ZYG11A: variants seen among roughly 807,000 people sequenced by gnomAD.
The protein encoded by ZYG11A is protein zyg-11 homolog A.
In ZYG11A, 62 loss-of-function variants were observed where a neutral mutation model predicts 77.2. The observed-to-expected ratio is 0.80, with a 90% CI of 0.65 to 0.99. ZYG11A has a LOEUF of 0.99. ZYG11A is among the 50% of genes least tolerant of loss of function. ZYG11A has a pLI of 0.00. For synonymous variants in ZYG11A, 315 were observed against 324.6 expected, an observed-to-expected ratio of 0.97 and a Z score of 0.32; for missense variants, 828 against 896.8, an observed-to-expected ratio of 0.92 and a Z score of 0.98.
At chr1:52,854,889 C>T (rs533555967) in intron 2 of ZYG11A, among the ~76,000 whole-genome samples, 117 of 147,960 alleles carry the variant, frequency 7.9e-4, no homozygotes, top group Non-Finnish European at 1.6e-3. Context: ...TTTTTTGAGA[C>T]GGATTTTCAC....
intron 12 of ZYG11A, among the ~76,000 whole-genome samples, chr1:52,886,643 C>T (rs1646455845): frequency 6.6e-6 from 1 of 151,092 alleles, no homozygotes; most frequent in Admixed American, 6.6e-5. Flanking sequence ...AAGTGATCCT[C>T]CCACTTGAGG....
At chr1:52,864,583 G>A (rs1198034862) in intron 5 of ZYG11A, among the ~76,000 whole-genome samples, 1 of 152,192 alleles carries the variant, frequency 6.6e-6, no homozygotes, top group East Asian at 1.9e-4. Flanking sequence ...ATTAGAGAAA[G>A]AGAATAGATA....
chr1:52,857,284 T>C lies in ZYG11A; in HGVS notation c.543T>C (p.Thr181=). ...NSRLLFFSQL[T]GLRILSVFNV... ...GATTACTGTTCTTTAGTCAGCTCACTGGTCTTCGCATTTTAAGTGTTTTTA... is the reference window on the plus strand; with the variant it reads ...GATTACTGTTCTTTAGTCAGCTCACCGGTCTTCGCATTTTAAGTGTTTTTA... Residue 181 remains threonine (T), a synonymous_variant, in exon 3 of 14, where the codon ACT becomes ACC. Transcript: ENST00000371528. 6.4e-7 allele frequency: 1 copy of C among 1,552,148 alleles called. No individual in the cohort carries two copies. Among genetic ancestry groups the C allele is most frequent in the Non-Finnish European group, 8.7e-7 (1 of 1,147,124 alleles).
At chr1:52,869,248 C>CTT (rs1212825980) in intron 8 of ZYG11A, among the ~76,000 whole-genome samples, 2 of 37,950 alleles carry the variant, frequency 5.3e-5, no homozygotes, top group African/African-American at 2.1e-4. Context: ...TAGTGATGTT[C>CTT]TTTTTTTTTT....
chr1:52,866,232 C>T (rs748838954), intron 5 of ZYG11A, among the ~76,000 whole-genome samples: 10 of 152,070 alleles, frequency 6.6e-5, no homozygotes, highest in East Asian at 1.9e-4. Flanking sequence ...CCACCGCACC[C>T]GGCCAAGGGA....
At position 52,853,896 on chromosome 1, in the gene ZYG11A, C is replaced by T. The variant is rs111701321; in HGVS notation, c.91-569C>T. Among the ~76,000 whole-genome samples the T allele has an allele frequency of 8.5e-4, 129 of 151,892 alleles. 1 individual carries two copies. Among genetic ancestry groups the T allele is most frequent in the African/African-American group, 3.0e-3 (124 of 41,426 alleles). ...ACTCCAGCCTAGGCGATAGTGAGAC[C>T]CTGTTTCAAAAAAAAGAAAAAAAGA... On this transcript the variant is annotated intron_variant, in intron 1 of 13. Transcript: ENST00000371528.
At chr1:52,868,574 G>T (rs1034802343) in intron 8 of ZYG11A, among the ~76,000 whole-genome samples, 1 of 152,062 alleles carries the variant, frequency 6.6e-6, no homozygotes, top group Non-Finnish European at 1.5e-5. Flanking sequence ...GAGGTCAGGA[G>T]ATTGAGACCA....
At chr1:52,892,266 G>A (rs61771099) in intron 13 of ZYG11A, among the ~76,000 whole-genome samples, 145,070 of 145,098 alleles carry the variant, frequency 1, 72,521 homozygotes, top group Middle Eastern at 1. Flanking sequence ...GGTGGCTCAC[G>A]CCTGTAATCC....
At position 52,894,877 on chromosome 1, in the gene ZYG11A, G is replaced by A. The variant is rs1646598112; in HGVS notation, c.*1920G>A. 1.3e-5 allele frequency: 2 copies of A among 152,236 alleles called. No homozygotes were observed. Among genetic ancestry groups the A allele is most frequent in the African/African-American group, 2.4e-5 (1 of 41,460 alleles). The allele number at this position is 152,236 out of a possible 1,614,324, so 9.4% of individuals were successfully genotyped here. A position where few individuals can be genotyped will look rare whatever the true frequency, so the allele number is the denominator to read the frequency against. On this transcript the variant is annotated 3_prime_UTR_variant, in exon 14 of 14. Coordinates refer to ENST00000371528, the MANE Select transcript of ZYG11A (RefSeq NM_001004339.3). ...CTAGCTTATTCTAATGTGAGGATGT[G>A]TTAGGGGAACTAGTGTGTTAAGTCC... is the stretch of plus-strand genomic sequence containing the variant.
chr1:52,891,293 C>T (rs1266069195), intron 13 of ZYG11A, among the ~76,000 whole-genome samples: 1 of 151,804 alleles, frequency 6.6e-6, no homozygotes, highest in Non-Finnish European at 1.5e-5. Flanking sequence ...CCAGATATTC[C>T]TATTTTTTTT....
intron 1 of ZYG11A, among the ~76,000 whole-genome samples, chr1:52,848,965 G>C (rs1645651380): frequency 6.6e-6 from 1 of 152,178 alleles, no homozygotes; most frequent in African/African-American, 2.4e-5. Flanking sequence ...TTTCAATATA[G>C]TTAAACCACA....
chr1:52,863,654 C>G (rs1240370781), intron 4 of ZYG11A, among the ~76,000 whole-genome samples: 1 of 152,202 alleles, frequency 6.6e-6, no homozygotes, highest in African/African-American at 2.4e-5. Context: ...GTAGCTCTCA[C>G]TCATGTTTGT....
chr1:52,875,897 C>G (rs1220985975), intron 8 of ZYG11A, among the ~76,000 whole-genome samples: 2 of 148,798 alleles, frequency 1.3e-5, no homozygotes, highest in Non-Finnish European at 3.0e-5. Context: ...GATGGTGATT[C>G]AAGTTTGAAG....
Position 52,881,470 on chromosome 1 carries a change from G to C in ZYG11A, c.1750-1G>C. ...GGTTCTCTGCTCCATCTGACCTGTA[G>C]AACAACATAGCAGAAGTCAGAGAGC... On this transcript the variant is annotated splice_acceptor_variant, in intron 10 of 13. Coordinates refer to ENST00000371528, the MANE Select transcript of ZYG11A (RefSeq NM_001004339.3). LOFTEE classifies it high-confidence loss of function. 1.9e-6 allele frequency: 3 copies of C among 1,545,284 alleles called. No homozygotes were observed. The highest frequency in any genetic ancestry group is 2.6e-6 in the Non-Finnish European group (3 of 1,143,688).
intron 4 of ZYG11A, among the ~76,000 whole-genome samples, chr1:52,862,030 A>G (rs113400810): frequency 0.019 from 2,932 of 151,980 alleles, 95 homozygotes; most frequent in African/African-American, 0.067. Context: ...CCAACATGGT[A>G]GAACCCCGTC....
intron 1 of ZYG11A, among the ~76,000 whole-genome samples, chr1:52,850,311 G>A (rs557763660): frequency 4.0e-5 from 6 of 150,282 alleles, no homozygotes; most frequent in Non-Finnish European, 7.4e-5. Flanking sequence ...GCACCGGTAC[G>A]CCCAGCTATT....
intron 1 of ZYG11A, among the ~76,000 whole-genome samples, chr1:52,853,033 A>T (rs977908162): frequency 2.6e-5 from 4 of 152,242 alleles, no homozygotes; most frequent in African/African-American, 9.6e-5. Flanking sequence ...TGGAGAAGCT[A>T]CATCAACAGG....
At chr1:52,892,592 G>A (rs1646564412) in intron 13 of ZYG11A, among the ~76,000 whole-genome samples, 190 bp from the exon 14 acceptor site, 1 of 152,020 alleles carries the variant, frequency 6.6e-6, no homozygotes. Flanking sequence ...ACTAAAATGA[G>A]CATCTGTTAC....
intron 8 of ZYG11A, among the ~76,000 whole-genome samples, chr1:52,869,437 GT>G (rs1335518432): frequency 6.6e-6 from 1 of 151,274 alleles, no homozygotes; most frequent in African/African-American, 2.4e-5. Flanking sequence ...TTAGGGAGTG[GT>G]GATGACTCTT....
Sources: gnomAD v4.1 joint callset for allele counts (sites outside exome capture counted in the v4.1 genomes callset) on GRCh38, gnomAD v4.1.1 for gene constraint, MANE v1.5 for transcripts, NCBI Gene and HGNC (gene_info 2026-07-23, HGNC 2026-07-21) for gene names.